Variants in CORO2B observed in about 807,000 individuals in gnomAD.
CORO2B encodes the protein coronin 2B.
CORO2B carries 26 observed loss-of-function variants against 58.8 expected under a neutral mutation model. The observed-to-expected ratio is 0.44, with a 90% CI of 0.32 to 0.61. CORO2B has a LOEUF of 0.61. CORO2B is among the 20% of genes least tolerant of loss of function. The pLI is 0.04. For synonymous variants in CORO2B, 242 were observed against 253.8 expected (o/e 0.95, Z 0.44); for missense variants, 460 against 645.1 (o/e 0.71, Z 3.11).
rs371444851 is a variant in CORO2B, at chr15:68,641,524, G to A, written c.16-3636G>A. On this transcript the variant is annotated intron_variant, in intron 1 of 11. Coordinates refer to ENST00000261861, the MANE Select transcript of CORO2B (RefSeq NM_006091.5). ...GGGGGAGGGTGGACGAGGAAGAGGTGAAGTCAGATGGGAAAACAGGCACAG... is the reference window on the plus strand; with the variant it reads ...GGGGGAGGGTGGACGAGGAAGAGGTAAAGTCAGATGGGAAAACAGGCACAG... The A allele has an allele frequency of 2.4e-5, 24 of 985,352 alleles. No individual in the cohort carries two copies. The East Asian group carries it at 8.0e-4, about 33-fold the overall frequency. The allele number at this position is 985,352 out of a possible 1,614,324, so 61.0% of individuals were successfully genotyped here.
chr15:68,646,368 G>A (rs944051277), intron 2 of CORO2B, among the ~76,000 whole-genome samples: 9 of 152,084 alleles, frequency 5.9e-5, no homozygotes, highest in Non-Finnish European at 1.2e-4. Context: ...CCCACCCTCC[G>A]CCAAATCGCT....
intron 1 of CORO2B, among the ~76,000 whole-genome samples, chr15:68,629,717 A>G (rs1207042574): frequency 6.6e-6 from 1 of 152,178 alleles, no homozygotes; most frequent in Non-Finnish European, 1.5e-5. Flanking sequence ...GGGTCAGATC[A>G]GGAGGACTTG....
In CORO2B at chr15:68,626,841, G is replaced by A. The variant is rs537448741; in HGVS notation, c.16-18319G>A. ...GCCAGGAGGTCTGGTCAGAGGCTGGGGCCCCAGCCCCCAGGCACCTCTCTG... is the reference window on the plus strand; with the variant it reads ...GCCAGGAGGTCTGGTCAGAGGCTGGAGCCCCAGCCCCCAGGCACCTCTCTG... On this transcript the variant is annotated intron_variant, in intron 1 of 11. Coordinates refer to ENST00000261861, the MANE Select transcript of CORO2B (RefSeq NM_006091.5). 7.2e-5 allele frequency among the ~76,000 whole-genome samples: 11 copies of A among 152,290 alleles called. No individual in the cohort carries two copies. In the South Asian group the frequency reaches 1.5e-3, roughly 20 times the overall value.
rs1310371926 is a variant in CORO2B at position 68,645,393 on chromosome 15, C to T, written c.216+33C>T. 3.1e-6 allele frequency: 5 copies of T among 1,600,046 alleles called. No individual in the cohort carries two copies. The highest frequency in any genetic ancestry group is 4.3e-6 in the Non-Finnish European group (5 of 1,174,700). ...GCCCCTACCTTCACTCCAGCTGCAG[C>T]TCCAGGGCAGAGAGGAGCCCTCCTT... On this transcript the variant is annotated intron_variant, in intron 2 of 11. Transcript: ENST00000261861. This position sits in a 1 kb window ranked among gnomAD's most constrained non-coding sequence, Gnocchi z 4.5.
chr15:68,690,744 G>C (rs976166727), intron 2 of CORO2B, among the ~76,000 whole-genome samples: 2 of 150,524 alleles, frequency 1.3e-5, no homozygotes, highest in African/African-American at 4.9e-5. Context: ...AGGCCTCCTG[G>C]GCTCAAGCAA....
At chr15:68,720,248 C>A (rs1047247506) in intron 11 of CORO2B, among the ~76,000 whole-genome samples, 1 of 152,132 alleles carries the variant, frequency 6.6e-6, no homozygotes, top group Non-Finnish European at 1.5e-5. Context: ...GTCTACTGAC[C>A]TTTATAAGTC....
intron 1 of CORO2B, among the ~76,000 whole-genome samples, chr15:68,627,516 G>A (rs1046668033): frequency 6.6e-6 from 1 of 152,188 alleles, no homozygotes; most frequent in Non-Finnish European, 1.5e-5. Flanking sequence ...GGACTCTCTT[G>A]GGGTTGGGGA....
intron 1 of CORO2B, among the ~76,000 whole-genome samples, chr15:68,614,524 A>G (rs1157534626): frequency 6.6e-6 from 1 of 152,210 alleles, no homozygotes; most frequent in African/African-American, 2.4e-5. Flanking sequence ...CAAGTCAGTA[A>G]CTTGCTGGAG....
At chr15:68,530,047 G>A in the CORO2B span, among the ~76,000 whole-genome samples, 9 of 152,124 alleles carry the variant, frequency 5.9e-5, no homozygotes, top group African/African-American at 9.7e-5. Context: ...TGAGACGGCC[G>A]GGCACAGTGG....
At chr15:68,678,869 A>G (rs1902676136) in intron 2 of CORO2B, among the ~76,000 whole-genome samples, 1 of 152,106 alleles carries the variant, frequency 6.6e-6, no homozygotes, top group Non-Finnish European at 1.5e-5. Context: ...AGAGTAGAAA[A>G]TGTAGCCCCA....
chr15:68,562,690 A>C, the CORO2B span, among the ~76,000 whole-genome samples: 1 of 152,160 alleles, frequency 6.6e-6, no homozygotes, highest in East Asian at 1.9e-4. Flanking sequence ...GACAATGAAA[A>C]CAGGCCAGGC....
At chr15:68,637,412 G>A (rs1293006930) in intron 1 of CORO2B, among the ~76,000 whole-genome samples, 2 of 152,176 alleles carry the variant, frequency 1.3e-5, no homozygotes, top group Admixed American at 6.5e-5. Context: ...ATCAGCTCTC[G>A]CTCACGACCC....
At chr15:68,686,211 G>A (rs1037969394) in intron 2 of CORO2B, among the ~76,000 whole-genome samples, 1 of 144,606 alleles carries the variant, frequency 6.9e-6, no homozygotes, top group African/African-American at 2.5e-5. Flanking sequence ...TAATTTTGTA[G>A]TTTTGGTAGA....
the CORO2B span, among the ~76,000 whole-genome samples, chr15:68,564,356 T>A: frequency 6.6e-6 from 1 of 151,952 alleles, no homozygotes; most frequent in Non-Finnish European, 1.5e-5. Flanking sequence ...CAGGCTGCAG[T>A]GGGGTAGAGT....
intron 4 of CORO2B, 65 bp from the exon 5 acceptor site, chr15:68,711,477 T>C (rs1892915977): frequency 1.3e-6 from 2 of 1,482,590 alleles, no homozygotes; most frequent in Admixed American, 2.0e-5. Flanking sequence ...AAGTGTGCAC[T>C]GGGGACAAAC....
intron 1 of CORO2B, among the ~76,000 whole-genome samples, chr15:68,618,969 A>G (rs1251850664): frequency 1.3e-5 from 2 of 152,210 alleles, no homozygotes; most frequent in South Asian, 2.1e-4. Flanking sequence ...AGAGGATCAC[A>G]GTGGCATCAG....
At chr15:68,723,422 A>G (rs1409531039) in intron 11 of CORO2B, among the ~76,000 whole-genome samples, 1 of 151,806 alleles carries the variant, frequency 6.6e-6, no homozygotes, top group East Asian at 2.0e-4. Context: ...GCGCCCAGCC[A>G]ATAGATACAT....
rs1480495973 is a variant in CORO2B, at chr15:68,616,637, G to C, written c.16-28523G>C. 3.0e-6 allele frequency: 3 copies of C among 984,106 alleles called. No individual in the cohort carries two copies. In the Admixed American group the frequency reaches 1.8e-4, roughly 60 times the overall value. The allele number at this position is 984,106 out of a possible 1,614,324, so 61.0% of individuals were successfully genotyped here. ...GCGGTGAGTACGGCTGTGTCAGCGCGTGGGCCCCAGCGCAAGCAGGCAATC... is the reference window on the plus strand; with the variant it reads ...GCGGTGAGTACGGCTGTGTCAGCGCCTGGGCCCCAGCGCAAGCAGGCAATC... On this transcript the variant is annotated intron_variant, in intron 1 of 11. Coordinates refer to ENST00000261861, the MANE Select transcript of CORO2B (RefSeq NM_006091.5).
chr15:68,669,221 G>A (rs897720838), intron 2 of CORO2B, among the ~76,000 whole-genome samples: 2 of 152,152 alleles, frequency 1.3e-5, no homozygotes, highest in African/African-American at 4.8e-5. Flanking sequence ...CCGGAGACAG[G>A]ACTCGGCCTT....
Sources: allele counts gnomAD v4.1 joint callset (sites outside exome capture counted in the v4.1 genomes callset), GRCh38; gene constraint gnomAD v4.1.1; non-coding constraint Gnocchi (gnomAD v3.1); transcripts MANE v1.5; gene names NCBI Gene and HGNC (gene_info 2026-07-23, HGNC 2026-07-21).